The following FLT3 variants were observed in gnomAD, a reference collection of about 807,000 sequenced individuals.
The protein encoded by FLT3 is fms related receptor tyrosine kinase 3, also known as receptor-type tyrosine-protein kinase FLT3.
FLT3 carries 46 observed loss-of-function variants against 126.6 expected under a neutral mutation model. That is an observed-to-expected ratio of 0.36 (90% CI 0.29 to 0.46). FLT3 has a LOEUF of 0.46. Among genes scored for constraint, FLT3 ranks in the 20% least tolerant of loss-of-function variants. FLT3 has a pLI of 1.00. For synonymous variants in FLT3, 404 were observed against 434.4 expected, an observed-to-expected ratio of 0.93 and a Z score of 0.87; for missense variants, 1,069 against 1,190.3, an observed-to-expected ratio of 0.90 and a Z score of 1.50.
chr13:28,082,557 G>A (rs368765413), intron 1 of FLT3, among the ~76,000 whole-genome samples: 4 of 151,878 alleles, frequency 2.6e-5, no homozygotes, highest in African/African-American at 9.7e-5. Flanking sequence ...GTCCAGTGGT[G>A]CGATCTCAGC....
intron 23 of FLT3, among the ~76,000 whole-genome samples, chr13:28,008,275 C>CAAAAAAAAAAA (rs11409962): frequency 6.9e-5 from 6 of 87,082 alleles, no homozygotes; most frequent in African/African-American, 9.4e-5. Context: ...GAACCTGTCT[C>CAAAAAAAAAAA]AAAAAAAAAA....
intron 9 of FLT3, 58 bp downstream of exon 9, chr13:28,048,217 G>T: frequency 7.2e-7 from 1 of 1,392,648 alleles, no homozygotes; most frequent in Non-Finnish European, 1.0e-6. Context: ...CTTCTCAAGG[G>T]CGACAAGCAA....
Position 28,015,581 on chromosome 13 carries a change from C to T in FLT3, c.2653+9G>A, listed in dbSNP as rs750150820. 6.4e-7 allele frequency: 1 copy of T among 1,569,786 alleles called. No homozygotes were observed. The highest frequency in any genetic ancestry group is 8.8e-7 in the Non-Finnish European group (1 of 1,141,576). On this transcript the variant is annotated intron_variant, in intron 21 of 23. Coordinates refer to ENST00000241453, the MANE Select transcript of FLT3 (RefSeq NM_004119.3). ...GGAGCCAAGGGAGGCCAGCAGCTGC[C>T]CAACTTACCAAGTGAGAAGATTTCC...
intron 17 of FLT3, chr13:28,025,372 CCTT>C (rs796702639): frequency 1.3e-5 from 6 of 453,116 alleles, no homozygotes; most frequent in African/African-American, 1.0e-4. Flanking sequence ...GTTTCACCAT[CCTT>C]CTTTTTTCCA....
chr13:28,072,128 T>G (rs1402996925), intron 1 of FLT3, among the ~76,000 whole-genome samples: 12 of 43,520 alleles, frequency 2.8e-4, no homozygotes, highest in Non-Finnish European at 8.1e-4. Context: ...CATCATGTAA[T>G]TTTCATATAT....
intron 1 of FLT3, among the ~76,000 whole-genome samples, chr13:28,071,501 C>T (rs553783877): frequency 4.6e-5 from 7 of 151,610 alleles, no homozygotes; most frequent in South Asian, 2.1e-4. Context: ...TCTTTGATTC[C>T]TTCTCTCCTC....
chr13:28,067,385 C>T (rs936350594), intron 2 of FLT3, among the ~76,000 whole-genome samples: 1 of 152,032 alleles, frequency 6.6e-6, no homozygotes, highest in Non-Finnish European at 1.5e-5. Flanking sequence ...GACAAATCTG[C>T]GGGCTTCAGA....
chr13:28,064,522 AGATG>A (rs1462463347), intron 2 of FLT3, among the ~76,000 whole-genome samples: 21 of 152,116 alleles, frequency 1.4e-4, no homozygotes. Flanking sequence ...CAGTAAGCCA[AGATG>A]GCACTACTGT....
chr13:28,022,024 AC>A (rs1411554800), intron 19 of FLT3, among the ~76,000 whole-genome samples: 1 of 151,680 alleles, frequency 6.6e-6, no homozygotes, highest in East Asian at 2.0e-4. Flanking sequence ...GGCGTGAGCT[AC>A]CACGCCCGGC....
intron 5 of FLT3, among the ~76,000 whole-genome samples, chr13:28,052,030 C>T (rs1593264504): frequency 1.3e-5 from 2 of 151,816 alleles, no homozygotes; most frequent in Non-Finnish European, 2.9e-5. Flanking sequence ...CAAAAAAATC[C>T]TTGTCCTCCC....
At position 28,033,870 on chromosome 13, in the gene FLT3, C is replaced by A; in HGVS notation, c.1942+17G>T. 3 of 1,591,574 alleles carry A rather than the reference C, an allele frequency of 1.9e-6. No individual in the cohort carries two copies. Among genetic ancestry groups the A allele is most frequent in the Non-Finnish European group, 8.6e-7 (1 of 1,160,430 alleles). The stretch of plus-strand genomic sequence containing the variant: ...ATTTTTGTGCATCTTTGTTGCTGTC[C>A]TTCCACTATACTGTACCTTTCAGCA... On this transcript the variant is annotated intron_variant, in intron 15 of 23. Coordinates refer to ENST00000241453, the MANE Select transcript of FLT3 (RefSeq NM_004119.3).
At chr13:28,085,414 T>C (rs1593301681) in intron 1 of FLT3, among the ~76,000 whole-genome samples, 1 of 150,660 alleles carries the variant, frequency 6.6e-6, no homozygotes, top group Non-Finnish European at 1.5e-5. Flanking sequence ...TATTGTTAGG[T>C]GGAATGTTCC....
intron 15 of FLT3, among the ~76,000 whole-genome samples, chr13:28,033,117 A>G (rs1300271917): frequency 6.6e-6 from 1 of 151,562 alleles, no homozygotes; most frequent in African/African-American, 2.4e-5. Context: ...GGAGTTTGCA[A>G]CCATCCTGGG....
intron 1 of FLT3, among the ~76,000 whole-genome samples, chr13:28,095,425 G>A (rs180968044): frequency 1.9e-3 from 288 of 152,152 alleles, no homozygotes; most frequent in Non-Finnish European, 2.8e-3. Flanking sequence ...ACAGGCGTGC[G>A]CCACCACACC....
chr13:28,044,577 G>A (rs1044533151), intron 9 of FLT3, among the ~76,000 whole-genome samples: 12 of 152,150 alleles, frequency 7.9e-5, no homozygotes, highest in Non-Finnish European at 1.5e-4. Flanking sequence ...ACTCAGAGGC[G>A]TGTTCAAATT....
At chr13:28,037,359 G>T in intron 9 of FLT3, 71 bp from the exon 10 acceptor site, 1 of 878,560 alleles carries the variant, frequency 1.1e-6, no homozygotes, top group Non-Finnish European at 1.9e-6. Flanking sequence ...ATGACAGTGT[G>T]CATGGGAGGT....
chr13:28,021,127 C>T lies in FLT3; in HGVS notation c.2418+2223G>A, dbSNP rs934509929. Among the ~76,000 whole-genome samples the T allele has an allele frequency of 6.7e-4, 102 of 152,228 alleles. 2 individuals are homozygous for T. Among genetic ancestry groups the T allele is most frequent in the Admixed American group, 3.8e-3 (58 of 15,300 alleles). ...TTCGTGGGCCAGGTACAGTGGCTCACGCCTGTAATCCCAGCACTTTGGGAA... is the reference window on the plus strand; with the variant it reads ...TTCGTGGGCCAGGTACAGTGGCTCATGCCTGTAATCCCAGCACTTTGGGAA... On this transcript the variant is annotated intron_variant, in intron 19 of 23. Transcript: ENST00000241453.
At chr13:28,091,210 T>TC (rs1879017714) in intron 1 of FLT3, among the ~76,000 whole-genome samples, 1 of 71,104 alleles carries the variant, frequency 1.4e-5, no homozygotes, top group South Asian at 5.6e-4. Flanking sequence ...CCATTTTCTT[T>TC]TTTTTTTTTT....
intron 1 of FLT3, among the ~76,000 whole-genome samples, chr13:28,071,840 C>A (rs1327980489): frequency 6.6e-6 from 1 of 151,950 alleles, no homozygotes; most frequent in East Asian, 1.9e-4. Context: ...TCTGCTTCTT[C>A]TTTTTAATTT....
Sources: gnomAD v4.1 joint callset for allele counts (sites outside exome capture counted in the v4.1 genomes callset) on GRCh38, gnomAD v4.1.1 for gene constraint, MANE v1.5 for transcripts, NCBI Gene and HGNC (gene_info 2026-07-23, HGNC 2026-07-21) for gene names.